The following GRIN2A variants were observed in gnomAD, a reference collection of about 807,000 sequenced individuals.
The protein encoded by GRIN2A is glutamate ionotropic receptor NMDA type subunit 2A.
GRIN2A carries 22 observed loss-of-function variants against 113.4 expected under a neutral mutation model. The ratio of observed to expected loss-of-function variants is 0.19; its 90% confidence interval spans 0.14 to 0.28. The LOEUF (loss-of-function observed/expected upper bound fraction) is 0.28, where lower values mean the gene tolerates loss of function less well. Among genes scored for constraint, GRIN2A ranks in the 10% least tolerant of loss-of-function variants. GRIN2A has a pLI of 1.00. For synonymous variants in GRIN2A, 827 were observed against 738.4 expected (o/e 1.12, Z -1.94); for missense variants, 1,502 against 1,887.0 (o/e 0.80, Z 3.78).
intron 2 of GRIN2A, among the ~76,000 whole-genome samples, chr16:9,965,305 C>T (rs969859183): frequency 2.0e-5 from 3 of 152,176 alleles, no homozygotes; most frequent in African/African-American, 7.2e-5. Context: ...TCACAAATGG[C>T]TACAGCCTGG....
chr16:10,118,363 C>T (rs962165855), intron 2 of GRIN2A, among the ~76,000 whole-genome samples: 1 of 152,088 alleles, frequency 6.6e-6, no homozygotes, highest in African/African-American at 2.4e-5. Flanking sequence ...CCCCACCCCA[C>T]GCAGCAATTG....
intron 9 of GRIN2A, among the ~76,000 whole-genome samples, chr16:9,824,469 T>C (rs1484241196): frequency 6.6e-6 from 1 of 152,186 alleles, no homozygotes; most frequent in Non-Finnish European, 1.5e-5. Context: ...TCCACTTCAC[T>C]CCCCGTCTGT....
intron 4 of GRIN2A, among the ~76,000 whole-genome samples, chr16:9,888,450 T>C (rs1020152209): frequency 6.6e-6 from 1 of 150,934 alleles, no homozygotes; most frequent in African/African-American, 2.5e-5. Context: ...TATGTGTGCA[T>C]GCATAATGTG....
intron 2 of GRIN2A, among the ~76,000 whole-genome samples, chr16:10,155,576 TA>T (rs1218103087): frequency 6.6e-6 from 1 of 152,254 alleles, no homozygotes; most frequent in African/African-American, 2.4e-5. Context: ...TATAACGATT[TA>T]ATGTACTATC....
At chr16:10,029,874 G>C (rs1343539877) in intron 2 of GRIN2A, among the ~76,000 whole-genome samples, 2 of 152,126 alleles carry the variant, frequency 1.3e-5, no homozygotes, top group Admixed American at 6.5e-5. Context: ...CTGCATGCCT[G>C]TAATCCCAGC....
intron 8 of GRIN2A, among the ~76,000 whole-genome samples, chr16:9,831,144 C>T (rs148440177): frequency 2.4e-4 from 36 of 152,246 alleles, no homozygotes; most frequent in Middle Eastern, 3.4e-3. Context: ...AGCAGATGAG[C>T]TGGAAACAGA....
intron 2 of GRIN2A, among the ~76,000 whole-genome samples, chr16:10,057,648 A>AG (rs1378302088): frequency 6.6e-6 from 1 of 152,130 alleles, no homozygotes; most frequent in African/African-American, 2.4e-5. Flanking sequence ...AAAAAAAAAA[A>AG]ATCACTTCCC....
At chr16:9,807,055 A>AC (rs1385824720) in intron 10 of GRIN2A, among the ~76,000 whole-genome samples, 1 of 151,000 alleles carries the variant, frequency 6.6e-6, no homozygotes, top group Non-Finnish European at 1.5e-5. Flanking sequence ...ACCATGTAAG[A>AC]CATGCCTTTC....
chr16:10,034,857 G>T (rs568407365), intron 2 of GRIN2A, among the ~76,000 whole-genome samples: 1 of 152,302 alleles, frequency 6.6e-6, no homozygotes, highest in Admixed American at 6.5e-5. Flanking sequence ...GGCTGAGACA[G>T]TCCTAATAGG....
Position 10,176,004 on chromosome 16 carries a change from T to C in GRIN2A, c.414+3994A>G, listed in dbSNP as rs1212621914. Among the ~76,000 whole-genome samples the C allele has an allele frequency of 4.3e-5, 3 of 69,126 alleles. No homozygotes were observed. The East Asian group carries it at 7.1e-4, about 16-fold the overall frequency. 45.3% of individuals were successfully genotyped at this position (69,126 alleles called of 152,430 possible). A position where few individuals can be genotyped will look rare whatever the true frequency, so the allele number is the denominator to read the frequency against. ...TATTTATTGATTTTAATTTTCCTTC[T>C]TTTTTTTTTTTTTTTTTTGAGACAA... On this transcript the variant is annotated intron_variant, in intron 2 of 12. Transcript: ENST00000330684.
At chr16:10,076,944 T>C (rs962208244) in intron 2 of GRIN2A, among the ~76,000 whole-genome samples, 2 of 152,150 alleles carry the variant, frequency 1.3e-5, no homozygotes, top group East Asian at 3.8e-4. Flanking sequence ...CAGTTAAAGA[T>C]CTTCAGAGGG....
intron 7 of GRIN2A, among the ~76,000 whole-genome samples, chr16:9,840,230 G>A (rs770481668): frequency 2.0e-5 from 3 of 152,124 alleles, no homozygotes; most frequent in Non-Finnish European, 2.9e-5. Context: ...TGGCAGAAGA[G>A]GAAGCAGACA....
intron 4 of GRIN2A, among the ~76,000 whole-genome samples, chr16:9,868,222 G>C (rs2043194977): frequency 1.3e-5 from 2 of 152,232 alleles, no homozygotes; most frequent in South Asian, 2.1e-4. Context: ...GCTTCTGGTA[G>C]ATTTGCTCTT....
chr16:9,899,433 T>A (rs1207393794), intron 3 of GRIN2A, among the ~76,000 whole-genome samples: 1 of 40,618 alleles, frequency 2.5e-5, no homozygotes. Context: ...AGAGCAAAAC[T>A]CCGTCTCAAA....
At chr16:9,856,620 AT>A (rs1402040818) in intron 4 of GRIN2A, among the ~76,000 whole-genome samples, 3 of 143,122 alleles carry the variant, frequency 2.1e-5, no homozygotes, top group Admixed American at 6.9e-5. Context: ...GTGAGACTCC[AT>A]CTCAAAAAAA....
chr16:9,768,661 T>C (rs1901069537), intron 12 of GRIN2A, among the ~76,000 whole-genome samples, 190 bp downstream of exon 12: 1 of 152,214 alleles, frequency 6.6e-6, no homozygotes, highest in African/African-American at 2.4e-5. Context: ...TCCCGTTTCC[T>C]TTCTGCCTTC....
chr16:10,004,314 G>A (rs760510737), intron 2 of GRIN2A, among the ~76,000 whole-genome samples: 16 of 151,116 alleles, frequency 1.1e-4, no homozygotes, highest in Admixed American at 6.6e-5. Context: ...GCTTGAACCC[G>A]GGAGGCAGAG....
Position 9,763,693 on chromosome 16 carries a change from A to G in GRIN2A, c.3851T>C (p.Leu1284Pro), listed in dbSNP as rs1453409362. ...GTAGGAATGCTGACGGCTAATCCTT[A>G]GCTTGTTCTTTTGTAATTGAAGGGC... The part of the protein sequence containing the change: ...NNALQLQKNK[L>P]RISRQHSYDN... The change falls in exon 13 of 13, where the codon CTA becomes CCA. Residue 1284 changes from leucine (L) to proline (P), a missense_variant. By Grantham distance (98) the Leu-to-Pro change is moderately conservative. Transcript: ENST00000330684. 1 of 1,613,836 alleles carries G rather than the reference A, an allele frequency of 6.2e-7. No individual in the cohort carries two copies. Among genetic ancestry groups the G allele is most frequent in the African/African-American group, 1.3e-5 (1 of 74,864 alleles).
At chr16:10,100,687 G>C (rs1430665460) in intron 2 of GRIN2A, among the ~76,000 whole-genome samples, 2 of 152,166 alleles carry the variant, frequency 1.3e-5, no homozygotes, top group East Asian at 1.9e-4. Flanking sequence ...CATCTGTGCA[G>C]CTTTATGTTA....
Sources: gnomAD v4.1 joint callset for allele counts (sites outside exome capture counted in the v4.1 genomes callset) on GRCh38, gnomAD v4.1.1 for gene constraint, MANE v1.5 for transcripts, NCBI Gene and HGNC (gene_info 2026-07-23, HGNC 2026-07-21) for gene names.